CCDC174: variants seen among roughly 807,000 people sequenced by gnomAD.
The protein encoded by CCDC174 is coiled-coil domain-containing protein 174.
CCDC174 carries 37 observed loss-of-function variants against 57.1 expected under a neutral mutation model. The observed-to-expected ratio is 0.65, with a 90% CI of 0.50 to 0.85. The LOEUF is 0.85. Ranked by LOEUF, CCDC174 falls within the 40% of genes least tolerant of loss-of-function variation. The pLI is 0.00. For missense variants in CCDC174, 540 were observed against 574.3 expected, an observed-to-expected ratio of 0.94 and a Z score of 0.61; for synonymous variants, 182 against 190.2, an observed-to-expected ratio of 0.96 and a Z score of 0.35.
At chr3:14,662,361 T>C (rs1394185369) in intron 5 of CCDC174, among the ~76,000 whole-genome samples, 1 of 140,700 alleles carries the variant, frequency 7.1e-6, no homozygotes, top group Non-Finnish European at 1.5e-5. Flanking sequence ...AAGTAAGTGT[T>C]CCAGGCTACA....
chr3:14,652,510 A>G (rs1163670311), intron 1 of CCDC174, among the ~76,000 whole-genome samples: 2 of 152,164 alleles, frequency 1.3e-5, no homozygotes, highest in East Asian at 1.9e-4. Context: ...AATCCTCCCA[A>G]TGGCTTTAGG....
chr3:14,657,703 T>C (rs149507415), intron 3 of CCDC174, among the ~76,000 whole-genome samples: 1 of 152,356 alleles, frequency 6.6e-6, no homozygotes, highest in East Asian at 1.9e-4. Flanking sequence ...CACCCTCTGC[T>C]CTACTGGTCT....
chr3:14,661,108 G>T (rs1226643118), intron 4 of CCDC174, among the ~76,000 whole-genome samples: 5 of 152,114 alleles, frequency 3.3e-5, no homozygotes, highest in African/African-American at 1.2e-4. Flanking sequence ...GTATAATCAG[G>T]GTTAGTGATC....
chr3:14,658,057 G>T (rs1044265993), intron 3 of CCDC174, among the ~76,000 whole-genome samples: 1 of 152,234 alleles, frequency 6.6e-6, no homozygotes, highest in Non-Finnish European at 1.5e-5. Context: ...ACCATGCACT[G>T]CATTACTGCA....
intron 5 of CCDC174, among the ~76,000 whole-genome samples, chr3:14,664,777 G>A (rs2031259768): frequency 6.6e-6 from 1 of 152,208 alleles, no homozygotes; most frequent in African/African-American, 2.4e-5. Context: ...ATTTATCTGT[G>A]AGATCAAAGG....
At chr3:14,656,622 A>G (rs903765812) in intron 3 of CCDC174, among the ~76,000 whole-genome samples, 5 of 152,160 alleles carry the variant, frequency 3.3e-5, no homozygotes, top group South Asian at 2.1e-4. Flanking sequence ...TGCCTCCCCA[A>G]TTTGTAATTA....
intron 3 of CCDC174, among the ~76,000 whole-genome samples, chr3:14,656,964 A>G (rs2030978901): frequency 6.6e-6 from 1 of 152,190 alleles, no homozygotes; most frequent in Admixed American, 6.5e-5. Flanking sequence ...TAGAAGGCAG[A>G]ATATTAGCCC....
intron 2 of CCDC174, 139 bp from the exon 3 acceptor site, chr3:14,655,390 G>T: frequency 2.0e-6 from 1 of 504,964 alleles, no homozygotes; most frequent in Non-Finnish European, 3.6e-6. Context: ...CAGTATCTTT[G>T]TAGGACACAG....
chr3:14,663,030 T>G (rs1021950273), intron 5 of CCDC174, among the ~76,000 whole-genome samples: 1 of 152,218 alleles, frequency 6.6e-6, no homozygotes, highest in African/African-American at 2.4e-5. Flanking sequence ...GGTGTCTTTC[T>G]TCATCATTTC....
chr3:14,653,200 G>C (rs1040272777), intron 1 of CCDC174, among the ~76,000 whole-genome samples: 1 of 152,178 alleles, frequency 6.6e-6, no homozygotes, highest in African/African-American at 2.4e-5. Flanking sequence ...AACCTATACT[G>C]ACAGGTTAGC....
chr3:14,667,566 T>A, intron 8 of CCDC174, 48 bp downstream of exon 8: 1 of 1,425,948 alleles, frequency 7.0e-7, no homozygotes, highest in Non-Finnish European at 9.9e-7. Context: ...GAGCGCTTGG[T>A]TTCTTGCTGG....
chr3:14,664,007 C>T lies in CCDC174; in HGVS notation c.486-1021C>T, dbSNP rs372445106. 8.5e-5 allele frequency among the ~76,000 whole-genome samples: 13 copies of T among 152,236 alleles called. No homozygotes were observed. In the East Asian group the frequency reaches 2.1e-3, roughly 25 times the overall value. Reference sequence around the variant, plus strand: ...TCCGTAAAGATACTGTAAATAATTACACAGACCATCTGGCTAGATGGTTTT... The same window carrying T: ...TCCGTAAAGATACTGTAAATAATTATACAGACCATCTGGCTAGATGGTTTT... On this transcript the variant is annotated intron_variant, in intron 5 of 10. Coordinates refer to ENST00000383794, the MANE Select transcript of CCDC174 (RefSeq NM_016474.5).
At chr3:14,670,532 G>C (rs1461056477) in intron 10 of CCDC174, among the ~76,000 whole-genome samples, 2 of 152,242 alleles carry the variant, frequency 1.3e-5, no homozygotes, top group African/African-American at 2.4e-5. Flanking sequence ...GTTAGAAATA[G>C]AGATGAAATA....
intron 5 of CCDC174, among the ~76,000 whole-genome samples, chr3:14,662,579 A>T (rs908818432): frequency 2.6e-5 from 4 of 152,176 alleles, no homozygotes; most frequent in Admixed American, 6.5e-5. Context: ...TTGTTTGGAA[A>T]CTGTTCAGCA....
chr3:14,657,442 C>G (rs766131738), intron 3 of CCDC174, among the ~76,000 whole-genome samples: 27 of 152,320 alleles, frequency 1.8e-4, no homozygotes, highest in Admixed American at 9.1e-4. Context: ...TGTCCCTGCT[C>G]TCATGCTCTG....
chr3:14,661,100 A>G (rs1314629244), intron 4 of CCDC174, among the ~76,000 whole-genome samples: 2 of 152,250 alleles, frequency 1.3e-5, no homozygotes, highest in Non-Finnish European at 2.9e-5. Context: ...CCACAGCAGT[A>G]TAATCAGGGT....
Position 14,659,374 on chromosome 3 carries a change from T to C in CCDC174, c.307+445T>C, listed in dbSNP as rs567342532. Reference sequence around the variant, plus strand: ...TTTTCCCTCTATTTTCAATTTTTTTTCTGTGCTGTGCTTATAATTGCTTTA... The same window carrying C: ...TTTTCCCTCTATTTTCAATTTTTTTCCTGTGCTGTGCTTATAATTGCTTTA... On this transcript the variant is annotated intron_variant, in intron 4 of 10. Coordinates refer to ENST00000383794, the MANE Select transcript of CCDC174 (RefSeq NM_016474.5). Among the ~76,000 whole-genome samples, 4 of 152,360 alleles carry C rather than the reference T, an allele frequency of 2.6e-5. No individual in the cohort carries two copies. The East Asian group carries it at 7.7e-4, about 29-fold the overall frequency.
Position 14,665,139 on chromosome 3 carries a change from A to G in CCDC174, c.581+16A>G. The G allele has an allele frequency of 6.4e-7, 1 of 1,572,772 alleles. No individual in the cohort carries two copies. The highest frequency in any genetic ancestry group is 2.2e-5 in the East Asian group (1 of 44,672). ...AGGGGAGACTGTAAGTGTGTGTGGTATACAGAGCTCTGCCAAGGTCTGAAA... is the reference window on the plus strand; with the variant it reads ...AGGGGAGACTGTAAGTGTGTGTGGTGTACAGAGCTCTGCCAAGGTCTGAAA... On this transcript the variant is annotated intron_variant, in intron 6 of 10. Coordinates refer to ENST00000383794, the MANE Select transcript of CCDC174 (RefSeq NM_016474.5).
intron 5 of CCDC174, among the ~76,000 whole-genome samples, chr3:14,663,335 C>T (rs116114318): frequency 1.6e-4 from 24 of 152,262 alleles, no homozygotes; most frequent in African/African-American, 5.8e-4. Context: ...AGTGATTGCT[C>T]CCTCATCTGA....
Sources: gnomAD v4.1 joint callset for allele counts (sites outside exome capture counted in the v4.1 genomes callset) on GRCh38, gnomAD v4.1.1 for gene constraint, MANE v1.5 for transcripts, NCBI Gene and HGNC (gene_info 2026-07-23, HGNC 2026-07-21) for gene names.